PDE11A: variants seen among roughly 807,000 people sequenced by gnomAD.
PDE11A encodes dual 3',5'-cyclic-AMP and -GMP phosphodiesterase 11A.
A neutral mutation model predicts 100.5 loss-of-function variants in PDE11A; 100 were observed. The observed-to-expected ratio is 1.00, with a 90% CI of 0.85 to 1.18. The LOEUF (loss-of-function observed/expected upper bound fraction) is 1.18. Among genes scored for constraint, PDE11A ranks in the 50% most tolerant of loss-of-function variants. The pLI, the probability that PDE11A is intolerant of heterozygous loss-of-function variation, is 0.00. For missense variants in PDE11A, 1,141 were observed against 1,152.6 expected, an observed-to-expected ratio of 0.99 and a Z score of 0.15; for synonymous variants, 381 against 420.8, an observed-to-expected ratio of 0.91 and a Z score of 1.16.
intron 1 of PDE11A, among the ~76,000 whole-genome samples, chr2:178,054,158 C>T (rs554317479): frequency 9.2e-5 from 14 of 152,200 alleles, no homozygotes; most frequent in Non-Finnish European, 1.8e-4. Context: ...GAGATATAGA[C>T]CAATGGAACA....
intron 12 of PDE11A, among the ~76,000 whole-genome samples, chr2:177,721,599 C>T (rs1434762563): frequency 6.6e-6 from 1 of 152,064 alleles, no homozygotes; most frequent in Admixed American, 6.6e-5. Flanking sequence ...TAGCTTTCAA[C>T]CCTAACAATA....
chr2:178,089,597 T>C (rs919355501), intron 2 of PDE11A, among the ~76,000 whole-genome samples: 1 of 152,194 alleles, frequency 6.6e-6, no homozygotes, highest in African/African-American at 2.4e-5. Flanking sequence ...TTTAGCACAG[T>C]TCTTGCTAAA....
intron 7 of PDE11A, among the ~76,000 whole-genome samples, chr2:177,819,117 T>C (rs1052065054): frequency 1.3e-5 from 2 of 152,074 alleles, no homozygotes; most frequent in Non-Finnish European, 2.9e-5. Flanking sequence ...TCTTATGGAC[T>C]TTCCCTTTAA....
At chr2:177,682,471 C>G (rs2080880117) in intron 15 of PDE11A, among the ~76,000 whole-genome samples, 1 of 152,226 alleles carries the variant, frequency 6.6e-6, no homozygotes, top group Non-Finnish European at 1.5e-5. Flanking sequence ...TTACAACTCA[C>G]ACATACACCC....
At chr2:177,858,594 C>A (rs1203524127) in intron 5 of PDE11A, among the ~76,000 whole-genome samples, 4 of 152,110 alleles carry the variant, frequency 2.6e-5, no homozygotes, top group Non-Finnish European at 5.9e-5. Context: ...AGTCAGGAAA[C>A]AACAGGTGCT....
intron 1 of PDE11A, among the ~76,000 whole-genome samples, chr2:178,049,071 C>T (rs1326866656): frequency 6.6e-6 from 1 of 152,118 alleles, no homozygotes; most frequent in African/African-American, 2.4e-5. Context: ...TTATGAAGAT[C>T]TTAATAACAA....
intron 19 of PDE11A, among the ~76,000 whole-genome samples, chr2:177,661,169 A>G (rs1328883707): frequency 6.6e-6 from 1 of 152,178 alleles, no homozygotes; most frequent in African/African-American, 2.4e-5. Context: ...GCTTTGTCTC[A>G]TGTGTACTCC....
intron 2 of PDE11A, among the ~76,000 whole-genome samples, chr2:178,000,404 A>T (rs1359693281): frequency 6.6e-6 from 1 of 152,232 alleles, no homozygotes; most frequent in Non-Finnish European, 1.5e-5. Context: ...TGCTCTAAGT[A>T]AGCTGCAGGG....
rs771173840 is a variant in PDE11A, at chr2:178,012,787, G to A, written c.1071+1515C>T. 2.6e-5 allele frequency among the ~76,000 whole-genome samples: 4 copies of A among 152,168 alleles called. 1 individual carries two copies. The highest frequency in any genetic ancestry group is 5.9e-5 in the Non-Finnish European group (4 of 68,026). On this transcript the variant is annotated intron_variant, in intron 2 of 19. Transcript: ENST00000286063. ...TTTTAAATGAAGGCAGCAGAGCAAAGGCAGGACTACCATCTGTGTACAAAC... is the reference window on the plus strand; with the variant it reads ...TTTTAAATGAAGGCAGCAGAGCAAAAGCAGGACTACCATCTGTGTACAAAC...
In PDE11A at chr2:178,020,188, A is replaced by G. The variant is rs35757742; in HGVS notation, c.913-5728T>C. On this transcript the variant is annotated intron_variant, in intron 1 of 19. Coordinates refer to ENST00000286063, the MANE Select transcript of PDE11A (RefSeq NM_016953.4). Reference sequence around the variant, plus strand: ...TATGTATTCTGATGGTTGCATATCAATGGTGTTGGCCATGATGGAATGGAC... The same window carrying G: ...TATGTATTCTGATGGTTGCATATCAGTGGTGTTGGCCATGATGGAATGGAC... 1.3e-5 allele frequency among the ~76,000 whole-genome samples: 2 copies of G among 152,204 alleles called. 1 individual carries two copies. The highest frequency in any genetic ancestry group is 4.1e-4 in the South Asian group (2 of 4,836).
intron 2 of PDE11A, among the ~76,000 whole-genome samples, chr2:177,928,211 A>G (rs1394492704): frequency 6.6e-6 from 1 of 152,146 alleles, no homozygotes; most frequent in Non-Finnish European, 1.5e-5. Flanking sequence ...GACAGAATGT[A>G]AAGATTTTAC....
chr2:178,081,962 C>T (rs1444536846), intron 2 of PDE11A, among the ~76,000 whole-genome samples: 1 of 152,176 alleles, frequency 6.6e-6, no homozygotes, highest in Non-Finnish European at 1.5e-5. Context: ...ATTTAGATTT[C>T]CAATTGAAGT....
intron 2 of PDE11A, among the ~76,000 whole-genome samples, chr2:178,085,539 T>TA (rs56201348): frequency 0.45 from 66,471 of 148,874 alleles, 15,792 homozygotes; most frequent in East Asian, 0.59. Context: ...ATAGTTGAAA[T>TA]AAAAAAAAAA....
rs6147041 is a variant in PDE11A at position 177,663,244 on chromosome 2, G to GTAGCAGAGCTGGAAACAT, written c.2646+604_2646+621dup. On this transcript the variant is annotated intron_variant, in intron 19 of 19. Transcript: ENST00000286063. ...TCAGAAGGAGAGGCCTACACACCAAGTAGCAGAGCTGGAAACATTAGCACA... is the reference window on the plus strand; with the variant it reads ...TCAGAAGGAGAGGCCTACACACCAAGTAGCAGAGCTGGAAACATTAGCAGAGCTGGAAACATTAGCACA... Among the ~76,000 whole-genome samples the GTAGCAGAGCTGGAAACAT allele has an allele frequency of 4.3e-3, 659 of 152,180 alleles. 4 individuals carry two copies. Among genetic ancestry groups the GTAGCAGAGCTGGAAACAT allele is most frequent in the East Asian group, 0.029 (149 of 5,180 alleles).
At chr2:178,029,568 A>G (rs994812051) in intron 1 of PDE11A, among the ~76,000 whole-genome samples, 3 of 152,132 alleles carry the variant, frequency 2.0e-5, no homozygotes, top group Non-Finnish European at 1.5e-5. Context: ...AAAATGTTCA[A>G]CTTAATAATC....
intron 2 of PDE11A, among the ~76,000 whole-genome samples, chr2:177,993,227 G>A (rs2086025652): frequency 6.6e-6 from 1 of 152,204 alleles, no homozygotes; most frequent in East Asian, 1.9e-4. Flanking sequence ...GGGGACAGTG[G>A]CATTTGAAGG....
intron 17 of PDE11A, among the ~76,000 whole-genome samples, chr2:177,673,737 GGTAAA>G (rs2080723090): frequency 6.6e-6 from 1 of 152,158 alleles, no homozygotes; most frequent in Admixed American, 6.5e-5. Context: ...TGATGAGAAG[GGTAAA>G]CTCTGGTAGT....
intron 19 of PDE11A, among the ~76,000 whole-genome samples, chr2:177,657,431 A>G (rs998723093): frequency 1.5e-4 from 23 of 152,174 alleles, no homozygotes; most frequent in African/African-American, 5.1e-4. Context: ...GAATAGCCCT[A>G]CTTGTAGCTT....
intron 10 of PDE11A, among the ~76,000 whole-genome samples, chr2:177,745,978 A>C (rs2081942651): frequency 6.6e-6 from 1 of 152,158 alleles, no homozygotes; most frequent in Non-Finnish European, 1.5e-5. Context: ...GTGGGGCCTC[A>C]ATGCCTTTCA....
Sources: gnomAD v4.1 joint callset for allele counts (sites outside exome capture counted in the v4.1 genomes callset) on GRCh38, gnomAD v4.1.1 for gene constraint, MANE v1.5 for transcripts, NCBI Gene and HGNC (gene_info 2026-07-23, HGNC 2026-07-21) for gene names.